The following MAML3 variants were observed in gnomAD, a reference collection of about 807,000 sequenced individuals.
The protein encoded by MAML3 is mastermind like transcriptional coactivator 3.
Under a neutral mutation model 101.9 loss-of-function variants are expected in MAML3, and 27 were observed. The ratio of observed to expected loss-of-function variants is 0.27; its 90% confidence interval spans 0.20 to 0.37. The LOEUF (loss-of-function observed/expected upper bound fraction) is 0.37. MAML3 is among the 10% of genes least tolerant of loss of function. The pLI, the probability that MAML3 is intolerant of heterozygous loss-of-function variation, is 1.00. For missense variants in MAML3, 1,316 were observed against 1,444.9 expected, an observed-to-expected ratio of 0.91 and a Z score of 1.45; for synonymous variants, 501 against 555.9, an observed-to-expected ratio of 0.90 and a Z score of 1.39.
At chr4:139,894,511 A>AAAAGAAAGAAAGGAAGAAAGAAAG (rs1553962890) in intron 1 of MAML3, among the ~76,000 whole-genome samples, 3 of 136,474 alleles carry the variant, frequency 2.2e-5, no homozygotes, top group Admixed American at 1.6e-4. Context: ...TCCATCTTAA[A>AAAAGAAAGAAAGGAAGAAAGAAAG]AAAGAAAGAA....
At chr4:140,140,753 C>T (rs1324911474) in intron 1 of MAML3, among the ~76,000 whole-genome samples, 3 of 152,188 alleles carry the variant, frequency 2.0e-5, no homozygotes, top group Non-Finnish European at 2.9e-5. Context: ...AAATCATTGC[C>T]ACATGTACCT....
In MAML3 at chr4:140,081,027, C is replaced by A. The variant is rs565346942; in HGVS notation, c.468+71833G>T. On this transcript the variant is annotated intron_variant, in intron 1 of 4. Coordinates refer to ENST00000509479, the MANE Select transcript of MAML3 (RefSeq NM_018717.5). ...TGGGTTCTTCCCCCTAACCCCCATG[C>A]CTTACTATGAAGGAAAATGTTACAA... is the stretch of plus-strand genomic sequence containing the variant. 5.9e-5 allele frequency among the ~76,000 whole-genome samples: 9 copies of A among 152,268 alleles called. No homozygotes were observed. In the East Asian group the frequency reaches 1.7e-3, roughly 29 times the overall value.
intron 2 of MAML3, among the ~76,000 whole-genome samples, chr4:139,743,563 T>C (rs535746667): frequency 1.4e-4 from 22 of 152,312 alleles, no homozygotes; most frequent in Admixed American, 6.5e-5. Flanking sequence ...TAAATATACA[T>C]GGCTGTAAAC....
intron 1 of MAML3, among the ~76,000 whole-genome samples, chr4:140,092,591 G>A (rs1728079346): frequency 6.6e-6 from 1 of 152,118 alleles, no homozygotes; most frequent in Non-Finnish European, 1.5e-5. Flanking sequence ...CTCACTCATC[G>A]TGGTTTATCT....
At chr4:140,122,524 G>A (rs2111027399) in intron 1 of MAML3, among the ~76,000 whole-genome samples, 1 of 152,202 alleles carries the variant, frequency 6.6e-6, no homozygotes, top group Middle Eastern at 3.4e-3. Flanking sequence ...CGGGCGCGGT[G>A]GCTCACGCCT....
At chr4:139,947,292 G>A (rs769663) in intron 1 of MAML3, among the ~76,000 whole-genome samples, 57,368 of 151,864 alleles carry the variant, frequency 0.38, 11,343 homozygotes, top group African/African-American at 0.48. Context: ...TTAAAATAGC[G>A]AAGTGGTATT....
intron 1 of MAML3, among the ~76,000 whole-genome samples, chr4:140,111,720 T>C (rs1351224028): frequency 6.6e-6 from 1 of 152,220 alleles, no homozygotes; most frequent in East Asian, 1.9e-4. Context: ...CACTTGTAAC[T>C]TGTCTTCTGT....
chr4:139,719,994 C>G lies in MAML3; in HGVS notation c.2746G>C (p.Gly916Arg). 5 of 1,614,072 alleles carry G rather than the reference C, an allele frequency of 3.1e-6. No homozygotes were observed. Among genetic ancestry groups the G allele is most frequent in the Non-Finnish European group, 4.2e-6 (5 of 1,179,900 alleles). ...GQGVGMVSGF[G>R]QSMLVNSAIT... Reference sequence around the variant, plus strand: ...GCTGAGTTCACCAGCATGCTCTGACCAAAGCCACTCACCATTCCAACCCCC... The same window carrying G: ...GCTGAGTTCACCAGCATGCTCTGACGAAAGCCACTCACCATTCCAACCCCC... The change falls in exon 5 of 5, where the codon GGT becomes CGT. Residue 916 changes from glycine (G) to arginine (R), a missense_variant. Physicochemically the swap from Gly to Arg is moderately radical, Grantham distance 125. Coordinates refer to ENST00000509479, the MANE Select transcript of MAML3 (RefSeq NM_018717.5).
intron 2 of MAML3, among the ~76,000 whole-genome samples, chr4:139,776,236 T>G (rs1225104093): frequency 6.6e-6 from 1 of 152,228 alleles, no homozygotes; most frequent in African/African-American, 2.4e-5. Flanking sequence ...TTATTTTTGT[T>G]GTATTTTGTT....
chr4:139,940,505 T>G (rs1261822476), intron 1 of MAML3, among the ~76,000 whole-genome samples: 1 of 152,204 alleles, frequency 6.6e-6, no homozygotes, highest in Non-Finnish European at 1.5e-5. Context: ...ATGACTACTT[T>G]GGCAATAATA....
intron 2 of MAML3, among the ~76,000 whole-genome samples, chr4:139,886,082 C>T (rs552154263): frequency 7.9e-5 from 12 of 151,506 alleles, no homozygotes; most frequent in Admixed American, 2.6e-4. Flanking sequence ...CTTTCACTGT[C>T]ACTAATTTAG....
chr4:139,912,684 G>A (rs904799465), intron 1 of MAML3, among the ~76,000 whole-genome samples: 8 of 152,250 alleles, frequency 5.3e-5, no homozygotes, highest in African/African-American at 1.9e-4. Flanking sequence ...CATACAGGGA[G>A]AGTGCCGTTT....
chr4:140,023,542 G>C (rs919683347), intron 1 of MAML3, among the ~76,000 whole-genome samples: 23 of 152,150 alleles, frequency 1.5e-4, no homozygotes, highest in African/African-American at 2.4e-5. Context: ...ATTTGTCAGG[G>C]GGATATGTGG....
chr4:139,810,928 T>C (rs1440292331), intron 2 of MAML3, among the ~76,000 whole-genome samples: 14 of 152,200 alleles, frequency 9.2e-5, no homozygotes, highest in Admixed American at 9.2e-4. Context: ...TGGGAATTTG[T>C]GACTGGCCCT....
intron 2 of MAML3, among the ~76,000 whole-genome samples, chr4:139,834,071 T>A (rs1356239476): frequency 6.6e-6 from 1 of 152,154 alleles, no homozygotes; most frequent in African/African-American, 2.4e-5. Flanking sequence ...CCAAAATCAC[T>A]TATGTAACTT....
rs776961914 is a variant in MAML3, at chr4:139,719,761, C to A, written c.2979G>T (p.Gly993=). The A allele has an allele frequency of 1.2e-6, 2 of 1,613,690 alleles. No individual in the cohort carries two copies. Among genetic ancestry groups the A allele is most frequent in the South Asian group, 2.2e-5 (2 of 91,080 alleles). The change falls in exon 5 of 5, where the codon GGG becomes GGT. Residue 993 remains glycine (G), a synonymous_variant. Coordinates refer to ENST00000509479, the MANE Select transcript of MAML3 (RefSeq NM_018717.5). ...AGTGCTGCTTGGTCAGTCTCGGCTG[C>A]CCAGCTTGAAGAGGGTAGCTGGCGC... ...NNGASYPLQA[G]QPRLTKQHFP...
rs753258134 is a variant in MAML3, at chr4:139,725,762, T to G, written c.2405A>C (p.Asn802Thr). Reference protein sequence around the residue: ...QRNPYPVQQVNQFQGSPQDIA... With the variant: ...QRNPYPVQQVTQFQGSPQDIA... ...TGCACTGGCCTCACCTTGAAACTGA[T>G]TGACCTGCTGCACTGGGTATGGATT... is the stretch of plus-strand genomic sequence containing the variant. Residue 802 changes from asparagine to threonine, a missense_variant, in exon 4 of 5, where the codon AAT (asparagine) becomes ACT (threonine). Coordinates refer to ENST00000509479, the MANE Select transcript of MAML3 (RefSeq NM_018717.5). 1.2e-5 allele frequency: 19 copies of G among 1,613,864 alleles called. No individual in the cohort carries two copies. The East Asian group carries it at 2.2e-4, about 19-fold the overall frequency.
At chr4:140,151,264 G>A (rs1172782820) in intron 1 of MAML3, among the ~76,000 whole-genome samples, 2 of 152,054 alleles carry the variant, frequency 1.3e-5, no homozygotes, top group Non-Finnish European at 2.9e-5. Context: ...GGCGGGACTG[G>A]GCAGGATCGC....
At chr4:139,864,444 C>T (rs6844116) in intron 2 of MAML3, among the ~76,000 whole-genome samples, 81,859 of 151,928 alleles carry the variant, frequency 0.54, 24,576 homozygotes, top group African/African-American at 0.8. Flanking sequence ...TTTGGGAGGC[C>T]GAGGTGGGCA....
Sources: gnomAD v4.1 joint callset for allele counts (sites outside exome capture counted in the v4.1 genomes callset) on GRCh38, gnomAD v4.1.1 for gene constraint, MANE v1.5 for transcripts, NCBI Gene and HGNC (gene_info 2026-07-23, HGNC 2026-07-21) for gene names.